ARHGAP24: variants seen among roughly 807,000 people sequenced by gnomAD.
ARHGAP24 encodes Rho GTPase activating protein 24, also known as rho GTPase-activating protein 24.
A neutral mutation model predicts 76.4 loss-of-function variants in ARHGAP24; 50 were observed. The ratio of observed to expected loss-of-function variants is 0.65; its 90% CI spans 0.52 to 0.83. The LOEUF (loss-of-function observed/expected upper bound fraction) is 0.83, where lower values mean the gene tolerates loss of function less well. ARHGAP24 is among the 40% of genes least tolerant of loss of function. The pLI is 0.00. For synonymous variants in ARHGAP24, 345 were observed against 323.3 expected, an observed-to-expected ratio of 1.07 and a Z score of -0.72; for missense variants, 930 against 914.2, an observed-to-expected ratio of 1.02 and a Z score of -0.22.
At chr4:85,920,471 C>G (rs533771283) in intron 3 of ARHGAP24, among the ~76,000 whole-genome samples, 2 of 152,026 alleles carry the variant, frequency 1.3e-5, no homozygotes, top group African/African-American at 4.8e-5. Context: ...TAGACACAGG[C>G]AAAGATTTCA....
chr4:85,834,645 G>T (rs75160826), intron 3 of ARHGAP24, among the ~76,000 whole-genome samples: 5,784 of 152,260 alleles, frequency 0.038, 321 homozygotes, highest in African/African-American at 0.12. Context: ...TGACGTCCAC[G>T]TGGTTTCTGG....
At chr4:85,593,813 T>C (rs752751911) in intron 2 of ARHGAP24, among the ~76,000 whole-genome samples, 4 of 152,190 alleles carry the variant, frequency 2.6e-5, no homozygotes, top group Admixed American at 6.5e-5. Flanking sequence ...CTGGTCTATA[T>C]GTCTGCTTTT....
At chr4:85,696,564 A>G (rs1162182307) in intron 2 of ARHGAP24, among the ~76,000 whole-genome samples, 1 of 152,074 alleles carries the variant, frequency 6.6e-6, no homozygotes, top group Non-Finnish European at 1.5e-5. Context: ...GCGTATTTCC[A>G]TTTTCATTTT....
intron 1 of ARHGAP24, among the ~76,000 whole-genome samples, chr4:85,483,008 G>A (rs563900289): frequency 1.4e-3 from 213 of 152,230 alleles, no homozygotes; most frequent in Non-Finnish European, 2.1e-3. Context: ...TGCATTCACC[G>A]ATTTTAACTA....
At chr4:85,548,285 G>T (rs1473570591) in intron 1 of ARHGAP24, among the ~76,000 whole-genome samples, 2 of 152,150 alleles carry the variant, frequency 1.3e-5, no homozygotes, top group African/African-American at 2.4e-5. Flanking sequence ...GAAGTGGATG[G>T]CATTTAGAAG....
intron 1 of ARHGAP24, among the ~76,000 whole-genome samples, chr4:85,557,680 C>T (rs991031008): frequency 3.9e-5 from 6 of 152,040 alleles, no homozygotes; most frequent in African/African-American, 1.4e-4. Flanking sequence ...TTATTCTCTC[C>T]GTGAAAGCAG....
Position 85,729,036 on chromosome 4 carries a change from T to C in ARHGAP24, c.268+7064T>C, listed in dbSNP as rs574640943. The stretch of plus-strand genomic sequence containing the variant: ...AGGCATTTAATTTTACAACACTCCC[T>C]TATCTTAACTTTTTTTCTTTTTTGT... On this transcript the variant is annotated intron_variant, in intron 3 of 9. Transcript: ENST00000395184. Among the ~76,000 whole-genome samples, 9 of 152,350 alleles carry C rather than the reference T, an allele frequency of 5.9e-5. No individual in the cohort carries two copies. The East Asian group carries it at 1.7e-3, about 29-fold the overall frequency.
chr4:85,726,929 G>A (rs536092255), intron 3 of ARHGAP24, among the ~76,000 whole-genome samples: 8 of 152,296 alleles, frequency 5.3e-5, no homozygotes, highest in East Asian at 1.9e-4. Flanking sequence ...AAAATTTTGG[G>A]AGGCCGAGGT....
intron 8 of ARHGAP24, among the ~76,000 whole-genome samples, chr4:85,981,787 G>T (rs1033339967): frequency 1.3e-5 from 2 of 152,066 alleles, no homozygotes; most frequent in African/African-American, 4.8e-5. Flanking sequence ...GAGATCTTAG[G>T]GGCTGGATGT....
At chr4:85,561,629 T>C (rs1318387004) in intron 1 of ARHGAP24, among the ~76,000 whole-genome samples, 1 of 152,260 alleles carries the variant, frequency 6.6e-6, no homozygotes, top group Non-Finnish European at 1.5e-5. Context: ...CTATATGTCC[T>C]TCTCTGCATC....
intron 3 of ARHGAP24, among the ~76,000 whole-genome samples, chr4:85,886,754 A>G (rs951920119): frequency 6.6e-6 from 1 of 152,112 alleles, no homozygotes; most frequent in Non-Finnish European, 1.5e-5. Context: ...TCCCCCTAAG[A>G]TTTTCAAATA....
At chr4:85,981,827 C>A (rs991844394) in intron 8 of ARHGAP24, among the ~76,000 whole-genome samples, 1 of 152,094 alleles carries the variant, frequency 6.6e-6, no homozygotes, top group African/African-American at 2.4e-5. Flanking sequence ...CCATTGGCCA[C>A]CTCTATTGGA....
At chr4:85,594,084 A>G (rs2109983075) in intron 2 of ARHGAP24, among the ~76,000 whole-genome samples, 1 of 152,074 alleles carries the variant, frequency 6.6e-6, no homozygotes, top group Non-Finnish European at 1.5e-5. Context: ...CATTCTGTGA[A>G]TATGGGATCT....
intron 1 of ARHGAP24, among the ~76,000 whole-genome samples, chr4:85,526,761 T>C (rs912382829): frequency 1.3e-5 from 2 of 152,140 alleles, no homozygotes; most frequent in African/African-American, 4.8e-5. Flanking sequence ...TACCTGAGTG[T>C]CAATAATGAA....
At chr4:85,546,100 A>G (rs1329134572) in intron 1 of ARHGAP24, among the ~76,000 whole-genome samples, 2 of 152,208 alleles carry the variant, frequency 1.3e-5, no homozygotes, top group African/African-American at 4.8e-5. Flanking sequence ...ATAATAGTAC[A>G]TACTTCATAG....
chr4:85,614,390 A>G (rs2109998492), intron 2 of ARHGAP24, among the ~76,000 whole-genome samples: 1 of 152,188 alleles, frequency 6.6e-6, no homozygotes, highest in Middle Eastern at 3.4e-3. Context: ...ATAAATATTT[A>G]TATATATTTA....
At chr4:85,810,872 CAG>C (rs1363614745) in intron 3 of ARHGAP24, among the ~76,000 whole-genome samples, 1 of 152,078 alleles carries the variant, frequency 6.6e-6, no homozygotes, top group African/African-American at 2.4e-5. Context: ...TTTATTAAAA[CAG>C]AGAAGATAGT....
intron 1 of ARHGAP24, among the ~76,000 whole-genome samples, chr4:85,543,126 C>T (rs1396742496): frequency 2.0e-5 from 3 of 152,166 alleles, no homozygotes; most frequent in African/African-American, 4.8e-5. Flanking sequence ...AAGACTCCCT[C>T]ATAGGGCACT....
At chr4:85,929,182 G>A (rs769396874) in intron 4 of ARHGAP24, among the ~76,000 whole-genome samples, 5 of 152,170 alleles carry the variant, frequency 3.3e-5, no homozygotes, top group South Asian at 2.1e-4. Flanking sequence ...CTCTGTCTTC[G>A]TGGTGCTGAG....
Sources: gnomAD v4.1 joint callset for allele counts (sites outside exome capture counted in the v4.1 genomes callset) on GRCh38, gnomAD v4.1.1 for gene constraint, MANE v1.5 for transcripts, NCBI Gene and HGNC (gene_info 2026-07-23, HGNC 2026-07-21) for gene names.